RNF180: variants seen among roughly 807,000 people sequenced by gnomAD.
The protein encoded by RNF180 is ring finger protein 180, also known as E3 ubiquitin-protein ligase RNF180.
A neutral mutation model predicts 59.2 loss-of-function variants in RNF180; 38 were observed. The ratio of observed to expected loss-of-function variants is 0.64; its 90% CI spans 0.50 to 0.84. The LOEUF (loss-of-function observed/expected upper bound fraction) is 0.84, where lower values mean the gene tolerates loss of function less well. Ranked by LOEUF, RNF180 falls within the 40% of genes least tolerant of loss-of-function variation. RNF180 has a pLI of 0.00. For synonymous variants in RNF180, 262 were observed against 240.3 expected, an observed-to-expected ratio of 1.09 and a Z score of -0.84; for missense variants, 705 against 700.9, an observed-to-expected ratio of 1.01 and a Z score of -0.07.
At chr5:64,363,579 T>C (rs1228363168) in intron 7 of RNF180, among the ~76,000 whole-genome samples, 4 of 151,954 alleles carry the variant, frequency 2.6e-5, no homozygotes, top group Non-Finnish European at 5.9e-5. Flanking sequence ...GGCTCTTTTT[T>C]GGTTCCATAT....
intron 5 of RNF180, among the ~76,000 whole-genome samples, chr5:64,230,476 T>C (rs554749896): frequency 6.6e-6 from 1 of 152,230 alleles, no homozygotes; most frequent in South Asian, 2.1e-4. Context: ...AGTAGCTGGT[T>C]GCATCTTTCT....
intron 1 of RNF180, among the ~76,000 whole-genome samples, chr5:64,194,998 C>T (rs1215385770): frequency 1.3e-5 from 2 of 152,070 alleles, no homozygotes; most frequent in African/African-American, 2.4e-5. Context: ...TACCAGTACC[C>T]AGAGTAGGAA....
intron 5 of RNF180, among the ~76,000 whole-genome samples, chr5:64,228,753 C>T (rs1285852881): frequency 6.6e-6 from 1 of 151,966 alleles, no homozygotes; most frequent in African/African-American, 2.4e-5. Context: ...GCTTAGATCA[C>T]TCACCTTTGT....
At chr5:64,322,573 A>G (rs1247410663) in intron 5 of RNF180, among the ~76,000 whole-genome samples, 1 of 148,334 alleles carries the variant, frequency 6.7e-6, no homozygotes, top group Admixed American at 6.8e-5. Context: ...GTATACACGT[A>G]TATATATATA....
intron 5 of RNF180, among the ~76,000 whole-genome samples, chr5:64,255,955 G>C (rs1743921487): frequency 6.6e-6 from 1 of 152,186 alleles, no homozygotes; most frequent in South Asian, 2.1e-4. Flanking sequence ...GGCCAGTGAT[G>C]ATGAGCATTT....
chr5:64,289,903 G>A (rs1006850792), intron 5 of RNF180, among the ~76,000 whole-genome samples: 1 of 151,442 alleles, frequency 6.6e-6, no homozygotes, highest in Non-Finnish European at 1.5e-5. Flanking sequence ...CTCTGATTTT[G>A]GTTATTTCTT....
chr5:64,308,456 G>T (rs988466086), intron 5 of RNF180, among the ~76,000 whole-genome samples: 13 of 151,838 alleles, frequency 8.6e-5, no homozygotes, highest in Middle Eastern at 3.4e-3. Context: ...TTTAAATGAG[G>T]TGTCTTTAAA....
chr5:64,317,538 G>T (rs1744103735), intron 5 of RNF180, among the ~76,000 whole-genome samples: 1 of 137,328 alleles, frequency 7.3e-6, no homozygotes. Context: ...GTATATATAT[G>T]TATATTTATA....
At chr5:64,242,729 G>C (rs1596811) in intron 5 of RNF180, among the ~76,000 whole-genome samples, 3 of 152,156 alleles carry the variant, frequency 2.0e-5, no homozygotes, top group African/African-American at 4.8e-5. Context: ...CAAAGATCTC[G>C]AATCAGATTC....
intron 1 of RNF180, among the ~76,000 whole-genome samples, chr5:64,197,481 C>T (rs192043690): frequency 7.2e-5 from 11 of 152,228 alleles, no homozygotes; most frequent in Non-Finnish European, 1.3e-4. Context: ...GGTAAAACTG[C>T]GGGTCCCTTA....
chr5:64,256,195 C>T (rs1453543434), intron 5 of RNF180, among the ~76,000 whole-genome samples: 3 of 151,458 alleles, frequency 2.0e-5, no homozygotes, highest in African/African-American at 4.9e-5. Flanking sequence ...GCAGAAGCTC[C>T]TTAGTTTAAT....
intron 1 of RNF180, among the ~76,000 whole-genome samples, chr5:64,180,671 A>G (rs1471630796): frequency 6.6e-6 from 1 of 152,170 alleles, no homozygotes; most frequent in African/African-American, 2.4e-5. Flanking sequence ...TTGCCTCAAG[A>G]TATAAACAAC....
At chr5:64,191,882 A>G (rs1751178612) in intron 1 of RNF180, among the ~76,000 whole-genome samples, 1 of 152,236 alleles carries the variant, frequency 6.6e-6, no homozygotes, top group South Asian at 2.1e-4. Context: ...CTAATGCCAA[A>G]AAACTTTCTC....
chr5:64,190,858 G>T (rs1751113640), intron 1 of RNF180, among the ~76,000 whole-genome samples: 1 of 152,104 alleles, frequency 6.6e-6, no homozygotes, highest in African/African-American at 2.4e-5. Context: ...TGAATTTCCA[G>T]CATTCAGAGC....
intron 2 of RNF180, among the ~76,000 whole-genome samples, chr5:64,204,032 A>G (rs995324496): frequency 6.6e-6 from 1 of 152,174 alleles, no homozygotes; most frequent in Non-Finnish European, 1.5e-5. Flanking sequence ...TAAGCCATAT[A>G]TATAATAAGT....
At chr5:64,326,979 A>T (rs1744674882) in intron 6 of RNF180, among the ~76,000 whole-genome samples, 1 of 152,146 alleles carries the variant, frequency 6.6e-6, no homozygotes, top group Non-Finnish European at 1.5e-5. Context: ...ATTCAATCTC[A>T]TTACCTGTGA....
intron 5 of RNF180, among the ~76,000 whole-genome samples, chr5:64,288,669 T>A (rs1742415242): frequency 6.6e-6 from 1 of 152,114 alleles, no homozygotes; most frequent in Non-Finnish European, 1.5e-5. Flanking sequence ...TGAATGGGAG[T>A]TCATTCATGA....
At chr5:64,293,778 G>C (rs892879830) in intron 5 of RNF180, among the ~76,000 whole-genome samples, 4 of 152,010 alleles carry the variant, frequency 2.6e-5, no homozygotes, top group Non-Finnish European at 5.9e-5. Context: ...AGAAAGCACT[G>C]TTTCTTTTGC....
chr5:64,296,674 A>G (rs1347047316), intron 5 of RNF180, among the ~76,000 whole-genome samples: 1 of 152,060 alleles, frequency 6.6e-6, no homozygotes, highest in Admixed American at 6.6e-5. Flanking sequence ...AAAAAAGGAA[A>G]ATGATTAAGA....
Sources: gnomAD v4.1 joint callset for allele counts (sites outside exome capture counted in the v4.1 genomes callset) on GRCh38, gnomAD v4.1.1 for gene constraint, MANE v1.5 for transcripts, NCBI Gene and HGNC (gene_info 2026-07-23, HGNC 2026-07-21) for gene names.